Variants in CNTN5 observed in about 807,000 individuals in gnomAD.
The protein encoded by CNTN5 is contactin-5.
In CNTN5, 77 loss-of-function variants were observed where a neutral mutation model predicts 129.1. That is an observed-to-expected ratio of 0.60 (90% CI 0.50 to 0.72). The LOEUF (loss-of-function observed/expected upper bound fraction) is 0.72. CNTN5 is among the 30% of genes least tolerant of loss of function. The pLI, the probability that CNTN5 is intolerant of heterozygous loss-of-function variation, is 0.00. For missense variants in CNTN5, 1,478 were observed against 1,328.8 expected (o/e 1.11, Z -1.75); for synonymous variants, 509 against 465.6 (o/e 1.09, Z -1.20).
intron 1 of CNTN5, among the ~76,000 whole-genome samples, chr11:99,258,350 T>C (rs953835997): frequency 7.9e-5 from 12 of 152,070 alleles, no homozygotes; most frequent in Admixed American, 6.6e-4. Context: ...TCTGTGACCA[T>C]GTGTTCTCAT....
chr11:99,651,324 A>T (rs1308700756), intron 3 of CNTN5, among the ~76,000 whole-genome samples: 1 of 151,914 alleles, frequency 6.6e-6, no homozygotes, highest in Non-Finnish European at 1.5e-5. Context: ...AGAGTGCAGA[A>T]AGGGGAAAGA....
chr11:100,258,953 C>G (rs1950138080), intron 17 of CNTN5, among the ~76,000 whole-genome samples: 1 of 152,102 alleles, frequency 6.6e-6, no homozygotes, highest in Non-Finnish European at 1.5e-5. Context: ...CAATATTAAC[C>G]TTAAATATAA....
At chr11:99,448,129 C>T (rs1046769917) in intron 2 of CNTN5, among the ~76,000 whole-genome samples, 2 of 151,988 alleles carry the variant, frequency 1.3e-5, no homozygotes, top group African/African-American at 2.4e-5. Context: ...TCAAATTTAT[C>T]GCTAAATGTG....
intron 13 of CNTN5, among the ~76,000 whole-genome samples, chr11:100,109,879 A>C (rs1202785939): frequency 6.6e-6 from 1 of 152,162 alleles, no homozygotes; most frequent in African/African-American, 2.4e-5. Context: ...TAGCTGTCTA[A>C]CTAGAAAGGC....
chr11:99,410,254 AT>A (rs1942331497), intron 2 of CNTN5, among the ~76,000 whole-genome samples: 1 of 152,214 alleles, frequency 6.6e-6, no homozygotes. Context: ...TACACAAGCT[AT>A]GCAGCCTTGT....
intron 3 of CNTN5, among the ~76,000 whole-genome samples, chr11:99,773,407 G>GT (rs1240178491): frequency 3.9e-5 from 6 of 151,900 alleles, no homozygotes; most frequent in African/African-American, 7.3e-5. Flanking sequence ...TATTTTTGTG[G>GT]TTTTTTCTGC....
chr11:99,173,988 G>T (rs368821197), intron 1 of CNTN5, among the ~76,000 whole-genome samples: 1 of 142,238 alleles, frequency 7.0e-6, no homozygotes, highest in African/African-American at 2.6e-5. Flanking sequence ...AAGAAGAAGC[G>T]TCAAAAATGC....
chr11:99,211,221 C>T (rs979965056), intron 1 of CNTN5, among the ~76,000 whole-genome samples: 1 of 152,008 alleles, frequency 6.6e-6, no homozygotes, highest in Admixed American at 6.6e-5. Flanking sequence ...TCATGGTATT[C>T]TCTTTCTTTG....
chr11:100,013,445 A>G (rs753159570), intron 9 of CNTN5, among the ~76,000 whole-genome samples: 5 of 152,182 alleles, frequency 3.3e-5, no homozygotes, highest in Non-Finnish European at 7.4e-5. Flanking sequence ...TGAATAGGAC[A>G]TCAGTGGAAC....
chr11:99,550,484 C>T (rs545535672), intron 2 of CNTN5, among the ~76,000 whole-genome samples: 1 of 152,190 alleles, frequency 6.6e-6, no homozygotes, highest in South Asian at 2.1e-4. Flanking sequence ...CCTTATTCAG[C>T]CTTTCAAGGG....
intron 3 of CNTN5, among the ~76,000 whole-genome samples, chr11:99,761,181 C>T (rs1002899892): frequency 1.3e-5 from 2 of 151,924 alleles, no homozygotes; most frequent in Non-Finnish European, 2.9e-5. Context: ...TAAGGCTGTT[C>T]AGAGTTGAAG....
chr11:99,888,951 T>A lies in CNTN5; in HGVS notation c.578-27103T>A, dbSNP rs145563063. ...TTGAGTTGTCAAGAGGAAGAATTCG[T>A]ATAAAATGCTTAACATTGTCATTAG... On this transcript the variant is annotated intron_variant, in intron 6 of 24. Coordinates refer to ENST00000524871, the MANE Select transcript of CNTN5 (RefSeq NM_014361.4). Among the ~76,000 whole-genome samples the A allele has an allele frequency of 2.3e-3, 349 of 150,692 alleles. 1 individual carries two copies. The highest frequency in any genetic ancestry group is 1.4e-3 in the Admixed American group (21 of 14,964).
intron 6 of CNTN5, among the ~76,000 whole-genome samples, chr11:99,849,576 A>G (rs1947808845): frequency 6.6e-6 from 1 of 152,108 alleles, no homozygotes; most frequent in Admixed American, 6.5e-5. Flanking sequence ...CTGCAGGTGC[A>G]TATTAGATAG....
intron 3 of CNTN5, among the ~76,000 whole-genome samples, chr11:99,792,463 A>G (rs1248804743): frequency 6.6e-6 from 1 of 151,520 alleles, no homozygotes; most frequent in East Asian, 1.9e-4. Flanking sequence ...GTGCTGCTGG[A>G]TATGGATATG....
intron 9 of CNTN5, among the ~76,000 whole-genome samples, chr11:100,017,734 T>C (rs770604): frequency 0.43 from 64,881 of 151,814 alleles, 14,139 homozygotes; most frequent in East Asian, 0.56. Context: ...AGAGTTATTG[T>C]AGCGTCAACA....
chr11:99,753,951 G>A (rs1308661207), intron 3 of CNTN5, among the ~76,000 whole-genome samples: 1 of 146,772 alleles, frequency 6.8e-6, no homozygotes, highest in African/African-American at 2.5e-5. Context: ...GCCCCCCAAA[G>A]TTCTGGGATT....
chr11:100,275,523 G>A (rs1484088243), intron 18 of CNTN5, among the ~76,000 whole-genome samples: 5 of 152,164 alleles, frequency 3.3e-5, no homozygotes, highest in Non-Finnish European at 7.3e-5. Context: ...ATCCATTTGG[G>A]ATGAATAATC....
intron 6 of CNTN5, among the ~76,000 whole-genome samples, chr11:99,891,946 AAC>A (rs1175108782): frequency 6.6e-6 from 1 of 152,200 alleles, no homozygotes; most frequent in African/African-American, 2.4e-5. Context: ...CACTCCCAAC[AAC>A]AGTGTAAAAG....
At chr11:99,631,571 C>A (rs1565368947) in intron 3 of CNTN5, among the ~76,000 whole-genome samples, 1 of 151,752 alleles carries the variant, frequency 6.6e-6, no homozygotes, top group Non-Finnish European at 1.5e-5. Context: ...GTTGTATTTA[C>A]TTTTTTGTGA....
Sources: gnomAD v4.1 joint callset for allele counts (sites outside exome capture counted in the v4.1 genomes callset) on GRCh38, gnomAD v4.1.1 for gene constraint, MANE v1.5 for transcripts, NCBI Gene and HGNC (gene_info 2026-07-23, HGNC 2026-07-21) for gene names.